The following TBC1D32 variants were observed in gnomAD, a reference collection of about 807,000 sequenced individuals.
TBC1D32 encodes the protein TBC1 domain family member 32.
TBC1D32 carries 151 observed loss-of-function variants against 170.3 expected under a neutral mutation model. The ratio of observed to expected loss-of-function variants is 0.89; its 90% CI spans 0.78 to 1.01. The LOEUF is 1.01. TBC1D32 is among the 50% of genes least tolerant of loss of function. The pLI, the probability that TBC1D32 is intolerant of heterozygous loss-of-function variation, is 0.00. For missense variants in TBC1D32, 1,464 were observed against 1,457.1 expected (o/e 1.00, Z -0.08); for synonymous variants, 498 against 488.0 (o/e 1.02, Z -0.27).
chr6:121,245,595 G>A (rs925943395), intron 17 of TBC1D32, among the ~76,000 whole-genome samples: 2 of 152,074 alleles, frequency 1.3e-5, no homozygotes, highest in African/African-American at 4.8e-5. Flanking sequence ...TCTTGGAGAA[G>A]GGATCCTTGG....
chr6:121,261,860 A>G (rs979778252), intron 15 of TBC1D32, among the ~76,000 whole-genome samples: 4 of 152,178 alleles, frequency 2.6e-5, no homozygotes, highest in African/African-American at 9.7e-5. Context: ...GTTCTAACCC[A>G]ATGCAAAGAT....
intron 15 of TBC1D32, among the ~76,000 whole-genome samples, chr6:121,274,592 C>T (rs984297428): frequency 6.6e-6 from 1 of 150,600 alleles, no homozygotes; most frequent in African/African-American, 2.4e-5. Context: ...AATACATGTA[C>T]AATTATTATG....
intron 27 of TBC1D32, among the ~76,000 whole-genome samples, chr6:121,113,587 T>C (rs557926237): frequency 3.0e-4 from 46 of 152,252 alleles, no homozygotes; most frequent in African/African-American, 8.4e-4. Flanking sequence ...AGGACTATTT[T>C]TGATTGTCAT....
intron 21 of TBC1D32, among the ~76,000 whole-genome samples, chr6:121,220,533 T>G (rs1794373232): frequency 6.6e-6 from 1 of 151,890 alleles, no homozygotes; most frequent in African/African-American, 2.4e-5. Context: ...CTGAATAACA[T>G]GAAAGTACAA....
At chr6:121,250,538 C>T (rs534227262) in intron 17 of TBC1D32, among the ~76,000 whole-genome samples, 1 of 152,070 alleles carries the variant, frequency 6.6e-6, no homozygotes, top group African/African-American at 2.4e-5. Context: ...ATTCAACACC[C>T]CTTTATGCTA....
chr6:121,297,753 T>C (rs1805878062), intron 10 of TBC1D32, among the ~76,000 whole-genome samples: 1 of 152,076 alleles, frequency 6.6e-6, no homozygotes, highest in Non-Finnish European at 1.5e-5. Flanking sequence ...TATTTAAATT[T>C]AAATTAATAA....
intron 17 of TBC1D32, among the ~76,000 whole-genome samples, chr6:121,244,741 G>A (rs1355641324): frequency 6.6e-6 from 1 of 152,192 alleles, no homozygotes; most frequent in Non-Finnish European, 1.5e-5. Context: ...AATACAGTAT[G>A]CTAAATTTAT....
intron 15 of TBC1D32, among the ~76,000 whole-genome samples, chr6:121,263,282 G>C (rs1167253639): frequency 1.3e-5 from 2 of 151,758 alleles, no homozygotes; most frequent in Non-Finnish European, 2.9e-5. Flanking sequence ...AAAAGCAGGG[G>C]TTTCAACACC....
intron 19 of TBC1D32, among the ~76,000 whole-genome samples, chr6:121,241,066 G>A (rs923046292): frequency 6.6e-6 from 1 of 152,072 alleles, no homozygotes; most frequent in Admixed American, 6.6e-5. Context: ...GTAAATGAGT[G>A]TAAATTTTGA....
At chr6:121,260,271 T>C (rs1799586715) in intron 15 of TBC1D32, among the ~76,000 whole-genome samples, 1 of 151,880 alleles carries the variant, frequency 6.6e-6, no homozygotes, top group Admixed American at 6.6e-5. Context: ...CAGAAAGCAA[T>C]TTAGAAGGAA....
chr6:121,317,353 A>T, intron 3 of TBC1D32, 142 bp downstream of exon 3: 1 of 539,864 alleles, frequency 1.9e-6, no homozygotes, highest in Non-Finnish European at 3.0e-6. Flanking sequence ...TGGACTAAAT[A>T]TTTAATATTA....
intron 22 of TBC1D32, among the ~76,000 whole-genome samples, chr6:121,180,043 G>A (rs1033469258): frequency 6.6e-6 from 1 of 152,066 alleles, no homozygotes; most frequent in African/African-American, 2.4e-5. Flanking sequence ...AAAGATATAT[G>A]AGACTTCTAC....
At chr6:121,189,007 T>G (rs925546271) in intron 22 of TBC1D32, among the ~76,000 whole-genome samples, 1 of 152,194 alleles carries the variant, frequency 6.6e-6, no homozygotes, top group Non-Finnish European at 1.5e-5. Flanking sequence ...TATTTTCACC[T>G]TATTAAATTT....
chr6:121,097,118 A>G (rs148471224), intron 30 of TBC1D32, among the ~76,000 whole-genome samples: 3,768 of 152,278 alleles, frequency 0.025, 167 homozygotes, highest in East Asian at 0.13. Context: ...AGGCAATACC[A>G]TTCAGAACAT....
At chr6:121,275,862 C>T (rs1802135729) in intron 15 of TBC1D32, among the ~76,000 whole-genome samples, 1 of 152,026 alleles carries the variant, frequency 6.6e-6, no homozygotes, top group Non-Finnish European at 1.5e-5. Context: ...AGGTGGCTGA[C>T]ACCTGTAATC....
chr6:121,269,371 T>C (rs1017257036), intron 15 of TBC1D32, among the ~76,000 whole-genome samples: 1 of 151,950 alleles, frequency 6.6e-6, no homozygotes, highest in African/African-American at 2.4e-5. Flanking sequence ...GAGACCCATA[T>C]CATGAGAGAG....
chr6:121,097,206 TTAAAC>T (rs1423439349), intron 30 of TBC1D32, among the ~76,000 whole-genome samples: 12 of 152,056 alleles, frequency 7.9e-5, no homozygotes, highest in African/African-American at 2.9e-4. Flanking sequence ...TGGGATCTAA[TTAAAC>T]TAAAGAGCTT....
At chr6:121,196,118 G>A (rs149286844) in intron 22 of TBC1D32, among the ~76,000 whole-genome samples, 3,139 of 152,266 alleles carry the variant, frequency 0.021, 97 homozygotes, top group African/African-American at 0.069. Context: ...CTCAGCAGAG[G>A]AGGATTTTAA....
chr6:121,287,764 T>C (rs1804118842), intron 12 of TBC1D32, among the ~76,000 whole-genome samples: 2 of 152,166 alleles, frequency 1.3e-5, no homozygotes, highest in Non-Finnish European at 2.9e-5. Context: ...AAAGTACTCT[T>C]CAGCAAATGT....
Sources: allele counts gnomAD v4.1 joint callset (sites outside exome capture counted in the v4.1 genomes callset), GRCh38; gene constraint gnomAD v4.1.1; transcripts MANE v1.5; gene names NCBI Gene and HGNC (gene_info 2026-07-23, HGNC 2026-07-21).